The following CFAP44 variants were observed in gnomAD, a reference collection of about 807,000 sequenced individuals.
CFAP44 encodes cilia- and flagella-associated protein 44.
A neutral mutation model predicts 216.2 loss-of-function variants in CFAP44; 134 were observed. The observed-to-expected ratio is 0.62, with a 90% CI of 0.54 to 0.72. The LOEUF (loss-of-function observed/expected upper bound fraction) is 0.72. Ranked by LOEUF, CFAP44 falls within the 30% of genes least tolerant of loss-of-function variation. The probability of loss-of-function intolerance (pLI) is 0.00; values close to 1 mark genes in which losing one functional copy is unlikely to be tolerated. For synonymous variants in CFAP44, 700 were observed against 727.6 expected (o/e 0.96, Z 0.61); for missense variants, 2,035 against 2,182.1 (o/e 0.93, Z 1.34).
At position 113,343,736 on chromosome 3, in the gene CFAP44, C is replaced by T. The variant is rs149399915; in HGVS notation, c.3262+780G>A. ...CAGTATGAGAAAGCACTACTGGAAA[C>T]GTAGAACAGGGATAGATTGTGGAAG... On this transcript the variant is annotated intron_variant, in intron 23 of 34. Transcript: ENST00000393845. 9.5e-4 allele frequency among the ~76,000 whole-genome samples: 144 copies of T among 152,220 alleles called. 1 individual carries two copies. Among genetic ancestry groups the T allele is most frequent in the African/African-American group, 3.0e-3 (124 of 41,536 alleles).
chr3:113,353,675 T>C (rs1300133437), intron 22 of CFAP44, among the ~76,000 whole-genome samples: 1 of 152,162 alleles, frequency 6.6e-6, no homozygotes, highest in East Asian at 1.9e-4. Context: ...AGGGATTTAA[T>C]ACCTGGTAAG....
Position 113,287,385 on chromosome 3 carries a change from C to T in CFAP44, c.*4172G>A, listed in dbSNP as rs573274543. 6.3e-6 allele frequency: 1 copy of T among 159,838 alleles called. No individual in the cohort carries two copies. Among genetic ancestry groups the T allele is most frequent in the African/African-American group, 2.4e-5 (1 of 41,652 alleles). 9.9% of individuals were successfully genotyped at this position (159,838 alleles called of 1,614,324 possible). A position where few individuals can be genotyped will look rare whatever the true frequency, so the allele number is the denominator to read the frequency against. On this transcript the variant is annotated 3_prime_UTR_variant, in exon 35 of 35. Transcript: ENST00000393845. ...AAAAAACCTTCCAGAATCAATAATC[C>T]GTGGCAACATATCTCTGTAAAAACA...
rs188752729 is a variant in CFAP44 at position 113,308,092 on chromosome 3, G to A, written c.4627+66C>T. ...ATCAGAGCACAGAGAAACCAAAAAG[G>A]GTCTTCCCAGTATTGCCAATCAATA... On this transcript the variant is annotated intron_variant, in intron 29 of 34. Transcript: ENST00000393845. 1.7e-5 allele frequency: 21 copies of A among 1,254,808 alleles called. No individual in the cohort carries two copies. The South Asian group carries it at 2.9e-4, about 17-fold the overall frequency. 77.7% of individuals were successfully genotyped at this position (1,254,808 alleles called of 1,614,324 possible). A position where few individuals can be genotyped will look rare whatever the true frequency, so the allele number is the denominator to read the frequency against.
chr3:113,291,580 C>CT lies in CFAP44; in HGVS notation c.5541dup (p.Glu1848ArgfsTer22). The CT allele has an allele frequency of 6.5e-7, 1 of 1,537,228 alleles. No individual in the cohort carries two copies. ...ACTCAAAGGTCTGCGGGCTGTATCT[C>CT]TTTCTCTCGTGGAGACTGAATGGGT... is the stretch of plus-strand genomic sequence containing the variant. On this transcript the variant is annotated frameshift_variant, in exon 35 of 35. Transcript: ENST00000393845. LOFTEE classifies it low-confidence loss of function (END_TRUNC).
Position 113,325,129 on chromosome 3 carries a change from C to T in CFAP44, c.4516+1316G>A, listed in dbSNP as rs1009423807. Among the ~76,000 whole-genome samples the T allele has an allele frequency of 4.0e-5, 6 of 151,808 alleles. No individual in the cohort carries two copies. In the East Asian group the frequency reaches 1.2e-3, roughly 30 times the overall value. On this transcript the variant is annotated intron_variant, in intron 28 of 34. Transcript: ENST00000393845. The stretch of plus-strand genomic sequence containing the variant: ...TCATCCTGGCTAACACAGTGAAACC[C>T]TGTCTCTACTAAAAATAGAAAAATT...
chr3:113,427,516 C>G (rs984019902), intron 2 of CFAP44, 177 bp from the exon 3 acceptor site: 6 of 513,794 alleles, frequency 1.2e-5, no homozygotes, highest in African/African-American at 8.0e-5. Flanking sequence ...AATAAGAAAG[C>G]CTTTTCTGTT....
At chr3:113,389,024 G>C (rs1933725890) in intron 15 of CFAP44, among the ~76,000 whole-genome samples, 1 of 152,086 alleles carries the variant, frequency 6.6e-6, no homozygotes, top group African/African-American at 2.4e-5. Flanking sequence ...AGACCAAATT[G>C]ACCTAATAGA....
At chr3:113,304,808 C>T (rs1293461710) in intron 31 of CFAP44, among the ~76,000 whole-genome samples, 1 of 152,178 alleles carries the variant, frequency 6.6e-6, no homozygotes, top group Non-Finnish European at 1.5e-5. Flanking sequence ...CTTGAAATGA[C>T]TGATTTCCAA....
At chr3:113,399,764 A>C in intron 13 of CFAP44, 142 bp downstream of exon 13, 1 of 566,924 alleles carries the variant, frequency 1.8e-6, no homozygotes, top group Non-Finnish European at 2.9e-6. Context: ...TTTCTATTAC[A>C]TTCTGACTAA....
chr3:113,353,646 T>C (rs1193285696), intron 22 of CFAP44, among the ~76,000 whole-genome samples: 1 of 152,220 alleles, frequency 6.6e-6, no homozygotes, highest in Non-Finnish European at 1.5e-5. Context: ...TGAAATATTA[T>C]CTAGGAATTC....
chr3:113,329,111 A>G (rs1950218720), intron 26 of CFAP44, among the ~76,000 whole-genome samples: 4 of 152,232 alleles, frequency 2.6e-5, no homozygotes, highest in Non-Finnish European at 5.9e-5. Flanking sequence ...AATCAGAAGT[A>G]TATGTGGCCC....
chr3:113,406,876 T>C lies in CFAP44; in HGVS notation c.1005+51A>G, dbSNP rs115197503. 2,276 of 1,328,270 alleles carry C rather than the reference T, an allele frequency of 1.7e-3. 39 individuals are homozygous for C. In the African/African-American group the frequency reaches 0.03, roughly 17 times the overall value. The allele number at this position is 1,328,270 out of a possible 1,614,324, so 82.3% of individuals were successfully genotyped here. On this transcript the variant is annotated intron_variant, in intron 8 of 34. Coordinates refer to ENST00000393845, the MANE Select transcript of CFAP44 (RefSeq NM_001164496.2). ...ATTTTCATATATGTGTGCTTTCATA[T>C]ATGTACTTGAAAACACAATTTTAAT...
intron 28 of CFAP44, among the ~76,000 whole-genome samples, chr3:113,310,369 C>A (rs1022234713): frequency 2.5e-4 from 38 of 152,204 alleles, no homozygotes; most frequent in African/African-American, 8.7e-4. Context: ...GGAGCTGGAA[C>A]CCACACCCAT....
intron 28 of CFAP44, among the ~76,000 whole-genome samples, chr3:113,317,561 G>A (rs1292878062): frequency 3.3e-5 from 5 of 152,316 alleles, no homozygotes; most frequent in Admixed American, 2.0e-4. Flanking sequence ...TGGCAACCAC[G>A]AAGCAAATTG....
intron 6 of CFAP44, among the ~76,000 whole-genome samples, chr3:113,415,231 C>A (rs769976064): frequency 3.5e-4 from 53 of 151,900 alleles, no homozygotes; most frequent in Non-Finnish European, 7.1e-4. Flanking sequence ...CTTTTTATTG[C>A]ATCTATTTGA....
At chr3:113,296,547 C>T (rs1231318133) in intron 33 of CFAP44, among the ~76,000 whole-genome samples, 178 bp downstream of exon 33, 1 of 152,116 alleles carries the variant, frequency 6.6e-6, no homozygotes, top group Admixed American at 6.5e-5. Context: ...AAACAAGTCC[C>T]TCTAACTAAG....
Position 113,426,186 on chromosome 3 carries a change from C to T in CFAP44, c.345G>A (p.Glu115=). Residue 115 remains glutamate, a synonymous_variant, in exon 4 of 35, where the codon GAG becomes GAA. Coordinates refer to ENST00000393845, the MANE Select transcript of CFAP44 (RefSeq NM_001164496.2). The part of the protein sequence containing the change: ...ISESFFYDYM[E]LASMPFVTLD... ...GAGTCACAAAAGGCATCGAAGCAAG[C>T]TCCATATAATCATAGAAGAAGCTCT... 6.2e-7 allele frequency: 1 copy of T among 1,614,150 alleles called. No individual in the cohort carries two copies. Among genetic ancestry groups the T allele is most frequent in the Non-Finnish European group, 8.5e-7 (1 of 1,180,000 alleles).
intron 34 of CFAP44, chr3:113,293,963 G>A (rs1361568618): frequency 2.2e-6 from 1 of 456,352 alleles, no homozygotes; most frequent in Non-Finnish European, 4.4e-6. Context: ...TTTTAAACAA[G>A]TTCCCAGGTG....
chr3:113,347,446 C>T (rs1950396492), intron 22 of CFAP44, among the ~76,000 whole-genome samples: 1 of 152,156 alleles, frequency 6.6e-6, no homozygotes, highest in African/African-American at 2.4e-5. Flanking sequence ...AGACAAACTT[C>T]CTCCTGCCTC....
Sources: allele counts gnomAD v4.1 joint callset (sites outside exome capture counted in the v4.1 genomes callset), GRCh38; gene constraint gnomAD v4.1.1; transcripts MANE v1.5; gene names NCBI Gene and HGNC (gene_info 2026-07-23, HGNC 2026-07-21).